ITGB1: variants seen among roughly 807,000 people sequenced by gnomAD.
The protein encoded by ITGB1 is integrin subunit beta 1.
Under a neutral mutation model 86.5 loss-of-function variants are expected in ITGB1, and 24 were observed. That is an observed-to-expected ratio of 0.28 (90% CI 0.20 to 0.39). The LOEUF is 0.39. Ranked by LOEUF, ITGB1 falls within the 10% of genes least tolerant of loss-of-function variation. The pLI is 1.00. For synonymous variants in ITGB1, 323 were observed against 316.8 expected, an observed-to-expected ratio of 1.02 and a Z score of -0.21; for missense variants, 556 against 946.9, an observed-to-expected ratio of 0.59 and a Z score of 5.42.
rs12357863 is a variant in ITGB1, at chr10:32,946,248, A to G, written c.1-10690T>C. On this transcript the variant is annotated intron_variant, in intron 1 of 15. Coordinates refer to ENST00000302278, the MANE Select transcript of ITGB1 (RefSeq NM_002211.4). ...AAAGTAAGCATACTTTGTCATTAGT[A>G]AATAGATCAGGCATGCCTGCGGAAT... is the stretch of plus-strand genomic sequence containing the variant. Among the ~76,000 whole-genome samples, 1,123 of 152,370 alleles carry G rather than the reference A, an allele frequency of 7.4e-3. 9 individuals carry two copies. Among genetic ancestry groups the G allele is most frequent in the Non-Finnish European group, 0.01 (707 of 68,034 alleles).
chr10:32,910,110 C>T, intron 14 of ITGB1, 113 bp downstream of exon 14: 2 of 717,920 alleles, frequency 2.8e-6, no homozygotes, highest in Non-Finnish European at 4.6e-6. Context: ...AAAAATTTCC[C>T]AACTTGACCT....
At chr10:32,922,943 T>G (rs888397039) in intron 7 of ITGB1, among the ~76,000 whole-genome samples, 1 of 152,156 alleles carries the variant, frequency 6.6e-6, no homozygotes, top group African/African-American at 2.4e-5. Context: ...CAAATAACAG[T>G]ATCAAATATA....
intron 15 of ITGB1, among the ~76,000 whole-genome samples, chr10:32,907,797 T>G (rs992007430): frequency 7.2e-5 from 11 of 151,916 alleles, no homozygotes; most frequent in African/African-American, 2.7e-4. Context: ...ACACATAAAA[T>G]ACACTAACGA....
chr10:32,951,004 AC>A (rs1784201561), intron 1 of ITGB1, among the ~76,000 whole-genome samples: 3 of 152,210 alleles, frequency 2.0e-5, no homozygotes. Flanking sequence ...TGGATATAGT[AC>A]GCATTGGCAA....
At chr10:32,903,307 G>A (rs2488316) in intron 15 of ITGB1, among the ~76,000 whole-genome samples, 68,342 of 139,514 alleles carry the variant, frequency 0.49, 18,504 homozygotes, top group Non-Finnish European at 0.61. Context: ...AGCTGAGATC[G>A]CACCACTGCA....
At chr10:32,948,843 A>G (rs1424831856) in intron 1 of ITGB1, among the ~76,000 whole-genome samples, 1 of 152,140 alleles carries the variant, frequency 6.6e-6, no homozygotes, top group Non-Finnish European at 1.5e-5. Context: ...AAAGACTAAG[A>G]CAAGGTTCTT....
At chr10:32,905,781 T>C (rs1593851008) in intron 15 of ITGB1, among the ~76,000 whole-genome samples, 2 of 152,336 alleles carry the variant, frequency 1.3e-5, no homozygotes, top group South Asian at 2.1e-4. Flanking sequence ...TTTATGTAAG[T>C]GTTCCCAATA....
intron 9 of ITGB1, among the ~76,000 whole-genome samples, chr10:32,921,474 C>T (rs1355706973): frequency 1.3e-5 from 2 of 152,122 alleles, no homozygotes; most frequent in African/African-American, 4.8e-5. Flanking sequence ...TATGGTACCC[C>T]CATGACATGA....
At chr10:32,924,818 T>A (rs1172404387) in intron 6 of ITGB1, among the ~76,000 whole-genome samples, 2 of 152,188 alleles carry the variant, frequency 1.3e-5, no homozygotes, top group Non-Finnish European at 2.9e-5. Flanking sequence ...GTAATAACAA[T>A]ATAGGAATTA....
rs535391884 is a variant in ITGB1 at position 32,930,183 on chromosome 10, T to C, written c.154-139A>G. The C allele has an allele frequency of 1.7e-4, 106 of 611,484 alleles. 1 individual carries two copies. The highest frequency in any genetic ancestry group is 6.2e-4 in the Admixed American group (21 of 34,118). The allele number at this position is 611,484 out of a possible 1,614,324, so 37.9% of individuals were successfully genotyped here. ...CCCCAATTCTGGCTTTTAAACAAAA[T>C]GCTCCCTTCATCCAAACTGTGGTAA... On this transcript the variant is annotated intron_variant, in intron 3 of 15. Transcript: ENST00000302278.
At chr10:32,918,249 C>T (rs1056072051) in intron 11 of ITGB1, among the ~76,000 whole-genome samples, 2 of 151,896 alleles carry the variant, frequency 1.3e-5, no homozygotes, top group Non-Finnish European at 2.9e-5. Context: ...ATGTAAATGA[C>T]GAGTTAATGG....
At chr10:32,947,669 C>T (rs898043829) in intron 1 of ITGB1, among the ~76,000 whole-genome samples, 2 of 152,064 alleles carry the variant, frequency 1.3e-5, no homozygotes, top group East Asian at 1.9e-4. Flanking sequence ...AAGAAACTAA[C>T]GATAAAAACA....
intron 11 of ITGB1, among the ~76,000 whole-genome samples, chr10:32,917,059 T>G (rs1349805196): frequency 6.6e-6 from 1 of 152,194 alleles, no homozygotes; most frequent in Non-Finnish European, 1.5e-5. Context: ...CCATCTGATC[T>G]TTGACAAACC....
At chr10:32,915,903 CA>C (rs2094930016) in intron 11 of ITGB1, among the ~76,000 whole-genome samples, 2 of 152,098 alleles carry the variant, frequency 1.3e-5, no homozygotes, top group African/African-American at 2.4e-5. Flanking sequence ...AACATCGATG[CA>C]AAAATCCTCA....
rs758727286 is a variant in ITGB1 at position 32,930,060 on chromosome 10, AAT to A, written c.154-18_154-17del. On this transcript the variant is annotated splice_polypyrimidine_tract_variant and intron_variant, in intron 3 of 15. Transcript: ENST00000302278. ...GTAAAAATGTCTAAATGACATATAA[AAT>A]ATAGGTATAAATGAAAATTGTAATG... The A allele has an allele frequency of 1.2e-6, 1 of 856,042 alleles. No individual in the cohort carries two copies. The highest frequency in any genetic ancestry group is 2.0e-6 in the Non-Finnish European group (1 of 496,954). 53.0% of individuals were successfully genotyped at this position (856,042 alleles called of 1,614,324 possible).
intron 4 of ITGB1, 52 bp downstream of exon 4, chr10:32,929,769 TG>T: frequency 3.0e-6 from 3 of 987,964 alleles, no homozygotes; most frequent in Non-Finnish European, 4.9e-6. Context: ...ATAAAGCTGG[TG>T]TCGAATGCCT....
At chr10:32,945,394 C>T (rs981403892) in intron 1 of ITGB1, among the ~76,000 whole-genome samples, 2 of 152,078 alleles carry the variant, frequency 1.3e-5, no homozygotes, top group Middle Eastern at 3.4e-3. Context: ...GTCAGGAGAT[C>T]GAGACCATCC....
At chr10:32,924,968 A>G (rs772719775) in intron 6 of ITGB1, among the ~76,000 whole-genome samples, 4 of 152,238 alleles carry the variant, frequency 2.6e-5, no homozygotes, top group Non-Finnish European at 4.4e-5. Flanking sequence ...ATTGCCCAGC[A>G]TCAGTGGTGA....
chr10:32,930,375 T>A (rs997841492), intron 3 of ITGB1, among the ~76,000 whole-genome samples: 15 of 152,298 alleles, frequency 9.8e-5, no homozygotes, highest in Admixed American at 8.5e-4. Context: ...TAATAATGTA[T>A]ACATACACCC....
Sources: allele counts gnomAD v4.1 joint callset (sites outside exome capture counted in the v4.1 genomes callset), GRCh38; gene constraint gnomAD v4.1.1; transcripts MANE v1.5; gene names NCBI Gene and HGNC (gene_info 2026-07-23, HGNC 2026-07-21).